Variants in ERBB4 observed in about 807,000 individuals in gnomAD.
ERBB4 encodes erb-b2 receptor tyrosine kinase 4, also known as receptor tyrosine-protein kinase erbB-4.
A neutral mutation model predicts 158.0 loss-of-function variants in ERBB4; 42 were observed. That is an observed-to-expected ratio of 0.27 (90% CI 0.21 to 0.34). The LOEUF is 0.34. Among genes scored for constraint, ERBB4 ranks in the 10% least tolerant of loss-of-function variants. The probability of loss-of-function intolerance (pLI) is 1.00; values close to 1 mark genes in which losing one functional copy is unlikely to be tolerated. For synonymous variants in ERBB4, 583 were observed against 558.7 expected (o/e 1.04, Z -0.61); for missense variants, 1,333 against 1,624.1 (o/e 0.82, Z 3.08).
chr2:212,272,401 C>G (rs547391824), intron 1 of ERBB4, among the ~76,000 whole-genome samples: 35 of 151,858 alleles, frequency 2.3e-4, no homozygotes, highest in Admixed American at 5.9e-4. Context: ...TCCCTATAGT[C>G]AGATGGGGCA....
At chr2:211,539,645 A>T (rs1241189952) in intron 20 of ERBB4, among the ~76,000 whole-genome samples, 1 of 151,942 alleles carries the variant, frequency 6.6e-6, no homozygotes, top group Non-Finnish European at 1.5e-5. Flanking sequence ...GCTCATTTGA[A>T]TTCATTTAAA....
chr2:212,212,702 A>G (rs1376544196), intron 1 of ERBB4, among the ~76,000 whole-genome samples: 3 of 152,146 alleles, frequency 2.0e-5, no homozygotes, highest in African/African-American at 7.2e-5. Context: ...ACAGAATGGT[A>G]CTAGTAACAA....
rs372570064 is a variant in ERBB4 at position 211,982,538 on chromosome 2, G to A, written c.235-34922C>T. Among the ~76,000 whole-genome samples the A allele has an allele frequency of 1.1e-3, 175 of 152,282 alleles. 1 individual carries two copies. The highest frequency in any genetic ancestry group is 3.5e-3 in the African/African-American group (146 of 41,556). The stretch of plus-strand genomic sequence containing the variant: ...AGGATATTACCAGATGAGGAGGATG[G>A]AGAGCTAGAGCAAGACCGCACAGCC... On this transcript the variant is annotated intron_variant, in intron 2 of 27. Coordinates refer to ENST00000342788, the MANE Select transcript of ERBB4 (RefSeq NM_005235.3).
intron 1 of ERBB4, among the ~76,000 whole-genome samples, chr2:212,469,354 A>T (rs571852751): frequency 1.3e-5 from 2 of 152,176 alleles, no homozygotes; most frequent in African/African-American, 4.8e-5. Flanking sequence ...GTTTTATAAG[A>T]TTAGGCACTT....
At chr2:211,663,767 C>T (rs1457195808) in intron 15 of ERBB4, among the ~76,000 whole-genome samples, 1 of 152,154 alleles carries the variant, frequency 6.6e-6, no homozygotes, top group African/African-American at 2.4e-5. Context: ...TTGACATCAA[C>T]ATTATATTGA....
chr2:212,133,410 TTGTTTTGTTTTTG>T (rs2080169987), intron 1 of ERBB4, among the ~76,000 whole-genome samples: 1 of 107,606 alleles, frequency 9.3e-6, no homozygotes, highest in African/African-American at 3.1e-5. Flanking sequence ...TTTTTTTGTT[TTGTTTTGTTTTTG>T]TTTTTTTTTT....
At chr2:211,712,535 C>A (rs1465830585) in intron 8 of ERBB4, among the ~76,000 whole-genome samples, 1 of 152,056 alleles carries the variant, frequency 6.6e-6, no homozygotes, top group African/African-American at 2.4e-5. Flanking sequence ...TTGAAAATAT[C>A]ATTTTTAATG....
intron 2 of ERBB4, among the ~76,000 whole-genome samples, chr2:211,975,615 G>T (rs1421626940): frequency 6.6e-6 from 1 of 152,084 alleles, no homozygotes; most frequent in Non-Finnish European, 1.5e-5. Flanking sequence ...ATATTTTGAA[G>T]GGTAAGCTGA....
intron 7 of ERBB4, among the ~76,000 whole-genome samples, chr2:211,718,028 C>T (rs1405754786): frequency 1.3e-5 from 2 of 152,102 alleles, no homozygotes; most frequent in African/African-American, 2.4e-5. Flanking sequence ...CTATCTATCT[C>T]AGCTTCCCAA....
intron 26 of ERBB4, 31 bp from the exon 27 acceptor site, chr2:211,387,181 A>G (rs1401216159): frequency 6.6e-7 from 1 of 1,517,054 alleles, no homozygotes; most frequent in East Asian, 2.3e-5. Context: ...TGTGGAGAGA[A>G]GGCGTTGTTA....
intron 3 of ERBB4, among the ~76,000 whole-genome samples, chr2:211,891,583 AC>A (rs1460273807): frequency 1.2e-5 from 1 of 85,164 alleles, no homozygotes; most frequent in Non-Finnish European, 2.3e-5. Flanking sequence ...AAATAGAGAC[AC>A]AAAAAACCCT....
intron 1 of ERBB4, among the ~76,000 whole-genome samples, chr2:212,151,258 T>C (rs577061681): frequency 6.6e-6 from 1 of 151,116 alleles, no homozygotes; most frequent in South Asian, 2.1e-4. Context: ...GAATTAAATA[T>C]ATATATTTAA....
chr2:212,492,888 G>A (rs1690357385), intron 1 of ERBB4, among the ~76,000 whole-genome samples: 2 of 151,350 alleles, frequency 1.3e-5, no homozygotes, highest in Admixed American at 6.6e-5. Flanking sequence ...TAAAAGTAGA[G>A]GTAATTAATT....
intron 12 of ERBB4, among the ~76,000 whole-genome samples, chr2:211,686,102 A>G (rs958408421): frequency 6.6e-6 from 1 of 151,824 alleles, no homozygotes; most frequent in Non-Finnish European, 1.5e-5. Flanking sequence ...ATGCTTTTTC[A>G]TTTCTTGCCT....
At chr2:211,633,956 C>A (rs1336914310) in intron 16 of ERBB4, among the ~76,000 whole-genome samples, 2 of 152,168 alleles carry the variant, frequency 1.3e-5, no homozygotes, top group African/African-American at 4.8e-5. Context: ...GTCAGGAGTT[C>A]TAGACCAGCC....
At chr2:212,310,828 T>C (rs1425309646) in intron 1 of ERBB4, among the ~76,000 whole-genome samples, 1 of 150,354 alleles carries the variant, frequency 6.7e-6, no homozygotes, top group African/African-American at 2.4e-5. Flanking sequence ...AGAAGTAGAA[T>C]GTAAAATGTT....
intron 1 of ERBB4, among the ~76,000 whole-genome samples, chr2:212,455,091 G>C (rs1688212927): frequency 6.6e-6 from 1 of 152,164 alleles, no homozygotes; most frequent in Admixed American, 6.5e-5. Context: ...TGGGGGCTAA[G>C]TCATAACTTA....
At chr2:211,413,311 C>A (rs2371266) in intron 25 of ERBB4, among the ~76,000 whole-genome samples, 28,879 of 63,042 alleles carry the variant, frequency 0.46, 6,354 homozygotes, top group Admixed American at 0.52. Context: ...GTCTTAAAAA[C>A]ACACACACAC....
chr2:212,488,416 A>C (rs1690098375), intron 1 of ERBB4, among the ~76,000 whole-genome samples: 2 of 151,876 alleles, frequency 1.3e-5, no homozygotes, highest in African/African-American at 4.8e-5. Flanking sequence ...TAACCTCTAT[A>C]GTCTGTCATC....
Sources: gnomAD v4.1 joint callset for allele counts (sites outside exome capture counted in the v4.1 genomes callset) on GRCh38, gnomAD v4.1.1 for gene constraint, MANE v1.5 for transcripts, NCBI Gene and HGNC (gene_info 2026-07-23, HGNC 2026-07-21) for gene names.